The following ANKRD36C variants were observed in gnomAD, a reference collection of about 807,000 sequenced individuals.
ANKRD36C encodes the protein ankyrin repeat domain 36C.
In ANKRD36C, 61 loss-of-function variants were observed where a neutral mutation model predicts 276.4. That is an observed-to-expected ratio of 0.22 (90% CI 0.18 to 0.27). ANKRD36C has a LOEUF of 0.27. Among genes scored for constraint, ANKRD36C ranks in the 10% least tolerant of loss-of-function variants. ANKRD36C has a pLI of 1.00. For missense variants in ANKRD36C, 1,447 were observed against 2,032.3 expected, an observed-to-expected ratio of 0.71 and a Z score of 5.54; for synonymous variants, 483 against 680.1, an observed-to-expected ratio of 0.71 and a Z score of 4.51.
At chr2:95,924,408 C>G (rs1330522605) in intron 30 of ANKRD36C, among the ~76,000 whole-genome samples, 20 of 151,502 alleles carry the variant, frequency 1.3e-4, no homozygotes, top group Admixed American at 1.3e-3. Flanking sequence ...ATACAAAATG[C>G]AATGGCTCCT....
intron 6 of ANKRD36C, among the ~76,000 whole-genome samples, chr2:95,973,417 A>C (rs1333443368): frequency 1.3e-5 from 2 of 152,192 alleles, no homozygotes; most frequent in Non-Finnish European, 2.9e-5. Context: ...GTCTCAAAAA[A>C]AAAAATCTAT....
chr2:95,922,246 A>G (rs1677292247), intron 32 of ANKRD36C, among the ~76,000 whole-genome samples: 1 of 151,640 alleles, frequency 6.6e-6, no homozygotes, highest in African/African-American at 2.4e-5. Flanking sequence ...TAACTTGCCC[A>G]GTAACTGAGA....
chr2:95,886,522 CGAGTGAT>C (rs1465043228), intron 50 of ANKRD36C, among the ~76,000 whole-genome samples: 4 of 151,670 alleles, frequency 2.6e-5, no homozygotes, highest in Non-Finnish European at 5.9e-5. Flanking sequence ...AAGGATATGC[CGAGTGAT>C]GAGGACAAAT....
intron 8 of ANKRD36C, among the ~76,000 whole-genome samples, chr2:95,961,433 CT>C (rs1678457853): frequency 6.6e-6 from 1 of 151,934 alleles, no homozygotes; most frequent in Admixed American, 6.6e-5. Flanking sequence ...TATGAATAAG[CT>C]TTTCCATTTG....
intron 60 of ANKRD36C, among the ~76,000 whole-genome samples, chr2:95,861,406 GC>G (rs1675578746): frequency 6.6e-6 from 1 of 151,532 alleles, no homozygotes; most frequent in African/African-American, 2.4e-5. Flanking sequence ...AGAAAAAATG[GC>G]CAAAAATATT....
exon 63 of ANKRD36C, chr2:95,855,543 A>G: frequency 3.7e-6 from 6 of 1,611,174 alleles, no homozygotes; most frequent in Non-Finnish European, 5.1e-6. Flanking sequence ...GCATTTTTCC[A>G]TTGTATTGTA....
chr2:95,887,143 C>T lies in ANKRD36C; in HGVS notation c.3061+782G>A, dbSNP rs572142398. Among the ~76,000 whole-genome samples the T allele has an allele frequency of 4.6e-5, 7 of 151,660 alleles. 1 individual carries two copies. In the East Asian group the frequency reaches 5.8e-4, roughly 13 times the overall value. On this transcript the variant is annotated intron_variant, in intron 50 of 66. Transcript: ENST00000456556. ...TTCTCTAAAGAATATTCATTAAATACCTATTTTATCCAAGAGTCACCTCTT... is the reference window on the plus strand; with the variant it reads ...TTCTCTAAAGAATATTCATTAAATATCTATTTTATCCAAGAGTCACCTCTT...
At chr2:95,906,323 A>G (rs1002950437) in intron 42 of ANKRD36C, among the ~76,000 whole-genome samples, 5 of 87,700 alleles carry the variant, frequency 5.7e-5, no homozygotes, top group Non-Finnish European at 1.1e-4. Context: ...CTTTCTCCTT[A>G]CACCCTTAAT....
chr2:95,851,582 T>C (rs1361228185), intron 66 of ANKRD36C, 112 bp downstream of exon 86: 1 of 949,868 alleles, frequency 1.1e-6, no homozygotes, highest in Non-Finnish European at 1.6e-6. Context: ...TTCCAAAATC[T>C]GAAAAAAATC....
At chr2:95,882,343 T>G (rs748618502) in exon 56 of ANKRD36C, 60 of 1,551,984 alleles carry the variant, frequency 3.9e-5, no homozygotes, top group Non-Finnish European at 5.1e-5. Flanking sequence ...TGTGGCAATA[T>G]TCAAAAGAGA....
chr2:95,986,768 T>G, exon 3 of ANKRD36C: 1 of 1,611,984 alleles, frequency 6.2e-7, no homozygotes, highest in Non-Finnish European at 8.5e-7. Flanking sequence ...CATTCTTCAA[T>G]ATTTGCACCA....
chr2:95,925,880 G>A (rs528633257), intron 28 of ANKRD36C, among the ~76,000 whole-genome samples: 1 of 151,682 alleles, frequency 6.6e-6, no homozygotes, highest in African/African-American at 2.4e-5. Context: ...ATACACCCAG[G>A]AATCAATATC....
At chr2:95,894,381 T>C (rs1343827290) in intron 44 of ANKRD36C, 1 of 152,694 alleles carries the variant, frequency 6.5e-6, no homozygotes, top group Non-Finnish European at 1.5e-5. Flanking sequence ...CATCCACTCA[T>C]GGCACCAAAG....
intron 58 of ANKRD36C, among the ~76,000 whole-genome samples, chr2:95,880,212 A>C (rs1015715603): frequency 6.6e-6 from 1 of 152,166 alleles, no homozygotes; most frequent in Admixed American, 6.6e-5. Flanking sequence ...AACAAAAAAC[A>C]AAACAAAACA....
intron 38 of ANKRD36C, among the ~76,000 whole-genome samples, chr2:95,915,054 G>C (rs1444900991): frequency 1.3e-5 from 2 of 151,514 alleles, no homozygotes; most frequent in East Asian, 2.0e-4. Flanking sequence ...ACAAGCATTA[G>C]ATATTAATAA....
At chr2:95,958,545 C>G (rs975995678) in intron 12 of ANKRD36C, 46 bp downstream of exon 12, 1 of 1,539,310 alleles carries the variant, frequency 6.5e-7, no homozygotes. Flanking sequence ...GGAAGTTCTC[C>G]TCTATCTTCA....
rs1371352153 is a variant in ANKRD36C at position 95,852,026 on chromosome 2, A to T, written c.5219+100T>A. Reference sequence around the variant, plus strand: ...ACAGATGAAACTTTTTTGGCTTCACAAAGACATACTAATTATCATAACTGA... The same window carrying T: ...ACAGATGAAACTTTTTTGGCTTCACTAAGACATACTAATTATCATAACTGA... On this transcript the variant is annotated intron_variant, in intron 65 of 66. Transcript: ENST00000456556. 3 of 1,344,572 alleles carry T rather than the reference A, an allele frequency of 2.2e-6. No homozygotes were observed. The African/African-American group carries it at 4.4e-5, about 20-fold the overall frequency. The allele number at this position is 1,344,572 out of a possible 1,614,324, so 83.3% of individuals were successfully genotyped here. A position where few individuals can be genotyped will look rare whatever the true frequency, so the allele number is the denominator to read the frequency against.
chr2:95,882,145 C>A (rs1676097940), intron 56 of ANKRD36C, among the ~76,000 whole-genome samples, 157 bp downstream of exon 76: 1 of 150,228 alleles, frequency 6.7e-6, no homozygotes, highest in South Asian at 2.1e-4. Flanking sequence ...GGACCAGCAG[C>A]ATCAACAACA....
At chr2:95,878,147 A>G (rs1472170934) in intron 58 of ANKRD36C, among the ~76,000 whole-genome samples, 1 of 148,970 alleles carries the variant, frequency 6.7e-6, no homozygotes, top group Admixed American at 6.7e-5. Flanking sequence ...TTGTGCCATT[A>G]CACTCCAGGC....
Sources: allele counts gnomAD v4.1 joint callset (sites outside exome capture counted in the v4.1 genomes callset), GRCh38; gene constraint gnomAD v4.1.1; transcripts MANE v1.5; gene names NCBI Gene and HGNC (gene_info 2026-07-23, HGNC 2026-07-21).